Variants in CDIN1 observed in about 807,000 individuals in gnomAD.
The protein encoded by CDIN1 is CDAN1-interacting nuclease 1.
A neutral mutation model predicts 45.3 loss-of-function variants in CDIN1; 33 were observed. That is an observed-to-expected ratio of 0.73 (90% CI 0.55 to 0.97). The LOEUF (loss-of-function observed/expected upper bound fraction) is 0.97, where lower values mean the gene tolerates loss of function less well. Among genes scored for constraint, CDIN1 ranks in the 50% least tolerant of loss-of-function variants. The pLI is 0.00. For missense variants in CDIN1, 303 were observed against 339.4 expected, an observed-to-expected ratio of 0.89 and a Z score of 0.84; for synonymous variants, 118 against 124.4, an observed-to-expected ratio of 0.95 and a Z score of 0.34.
chr15:36,586,975 T>C (rs1432975757), intron 1 of CDIN1, among the ~76,000 whole-genome samples: 1 of 152,188 alleles, frequency 6.6e-6, no homozygotes, highest in East Asian at 1.9e-4. Context: ...ATATACCTTG[T>C]TGGGAATTAT....
At chr15:36,701,983 T>C (rs1238887569) in intron 8 of CDIN1, 1 of 699,258 alleles carries the variant, frequency 1.4e-6, no homozygotes, top group African/African-American at 1.7e-5. Context: ...GGGGAGGTGA[T>C]TATGATGTGA....
rs141228052 is a variant in CDIN1, at chr15:36,605,577, C to T, written c.101+25616C>T. Among the ~76,000 whole-genome samples the T allele has an allele frequency of 8.1e-4, 124 of 152,298 alleles. 2 individuals carry two copies. The highest frequency in any genetic ancestry group is 4.6e-3 in the Admixed American group (70 of 15,298). ...GTCAGAGTGTGACCACCATCCATCA[C>T]CTCAATAGCAGACATCAGATTTGTT... On this transcript the variant is annotated intron_variant, in intron 1 of 10. Coordinates refer to ENST00000566621, the MANE Select transcript of CDIN1 (RefSeq NM_001321759.2).
rs756929397 is a variant in CDIN1, at chr15:36,787,080, CG to C, written c.717-21243del. 1.9e-3 allele frequency among the ~76,000 whole-genome samples: 295 copies of C among 152,286 alleles called. 1 individual carries two copies. Among genetic ancestry groups the C allele is most frequent in the South Asian group, 4.8e-3 (23 of 4,820 alleles). On this transcript the variant is annotated intron_variant, in intron 10 of 10. Coordinates refer to ENST00000566621, the MANE Select transcript of CDIN1 (RefSeq NM_001321759.2). Reference sequence around the variant, plus strand: ...TACCTGTCTTCGCATCATTTCCAGACGTGTGTCATCAGATTCAATCTTTGTT... The same window carrying C: ...TACCTGTCTTCGCATCATTTCCAGACTGTGTCATCAGATTCAATCTTTGTT...
chr15:36,642,620 C>T (rs552211050), intron 1 of CDIN1, among the ~76,000 whole-genome samples: 1 of 152,186 alleles, frequency 6.6e-6, no homozygotes, highest in African/African-American at 2.4e-5. Flanking sequence ...AACTCCTGAC[C>T]AACTTCTCAT....
intron 10 of CDIN1, among the ~76,000 whole-genome samples, chr15:36,743,363 A>T (rs72708604): frequency 0.11 from 16,713 of 152,194 alleles, 948 homozygotes; most frequent in African/African-American, 0.13. Flanking sequence ...TAGCCTAAAC[A>T]TAACCTGCTA....
At chr15:36,620,784 T>G (rs1261458218) in intron 1 of CDIN1, among the ~76,000 whole-genome samples, 1 of 144,784 alleles carries the variant, frequency 6.9e-6, no homozygotes, top group Admixed American at 6.9e-5. Flanking sequence ...AATATTATTT[T>G]TTTTTTAAAG....
intron 1 of CDIN1, among the ~76,000 whole-genome samples, chr15:36,621,592 A>T (rs1432761265): frequency 6.6e-6 from 1 of 152,214 alleles, no homozygotes; most frequent in Non-Finnish European, 1.5e-5. Context: ...AAAATGTATT[A>T]ATCATTGACT....
chr15:36,726,052 A>T (rs966234782), intron 10 of CDIN1, among the ~76,000 whole-genome samples: 1 of 152,198 alleles, frequency 6.6e-6, no homozygotes, highest in Non-Finnish European at 1.5e-5. Context: ...TTGTTTCCAA[A>T]TGTGATAACT....
chr15:36,688,288 CTA>C (rs2140682250), intron 5 of CDIN1, among the ~76,000 whole-genome samples: 1 of 151,878 alleles, frequency 6.6e-6, no homozygotes, highest in South Asian at 2.1e-4. Flanking sequence ...TAATATGAGA[CTA>C]TCTAAAGCAA....
In CDIN1 at chr15:36,808,515, C is replaced by T. The variant is rs751324392; in HGVS notation, c.*62C>T. 1 of 1,589,686 alleles carries T rather than the reference C, an allele frequency of 6.3e-7. No homozygotes were observed. The highest frequency in any genetic ancestry group is 1.1e-5 in the South Asian group (1 of 88,022). On this transcript the variant is annotated 3_prime_UTR_variant, in exon 11 of 11. Coordinates refer to ENST00000566621, the MANE Select transcript of CDIN1 (RefSeq NM_001321759.2). ...GTGAATCCGGAAGCAATTTTACTTTCCTGCACTGTAAGATCCTGGCAACAT... is the reference window on the plus strand; with the variant it reads ...GTGAATCCGGAAGCAATTTTACTTTTCTGCACTGTAAGATCCTGGCAACAT...
intron 10 of CDIN1, among the ~76,000 whole-genome samples, chr15:36,743,024 G>A (rs984412640): frequency 7.2e-5 from 11 of 152,146 alleles, no homozygotes; most frequent in African/African-American, 1.9e-4. Context: ...AAATTACCTG[G>A]CATGAAAGTG....
chr15:36,725,731 G>A (rs2043599686), intron 10 of CDIN1, among the ~76,000 whole-genome samples: 3 of 152,034 alleles, frequency 2.0e-5, no homozygotes, highest in Non-Finnish European at 4.4e-5. Context: ...TGTGAAGTGG[G>A]GCTTTGACTG....
intron 1 of CDIN1, among the ~76,000 whole-genome samples, chr15:36,590,730 G>C (rs975553404): frequency 6.6e-6 from 1 of 152,146 alleles, no homozygotes. Flanking sequence ...CTGAACTTGT[G>C]TTTATTCTGT....
intron 5 of CDIN1, among the ~76,000 whole-genome samples, chr15:36,671,512 C>A (rs1286637849): frequency 6.6e-6 from 1 of 151,330 alleles, no homozygotes; most frequent in Non-Finnish European, 1.5e-5. Flanking sequence ...TGAACATATA[C>A]CACCCCCACC....
At chr15:36,765,222 A>AT (rs1220941452) in intron 10 of CDIN1, among the ~76,000 whole-genome samples, 5 of 151,520 alleles carry the variant, frequency 3.3e-5, no homozygotes, top group African/African-American at 1.2e-4. Flanking sequence ...TGCCTGGCTA[A>AT]TTTTTGTATT....
chr15:36,709,698 G>C, intron 9 of CDIN1, 158 bp from the exon 10 acceptor site: 3 of 565,690 alleles, frequency 5.3e-6, no homozygotes, highest in South Asian at 5.4e-5. Flanking sequence ...TCTTTGTAAT[G>C]AACATATACA....
intron 10 of CDIN1, among the ~76,000 whole-genome samples, chr15:36,766,887 T>A (rs2053938447): frequency 6.6e-6 from 1 of 152,210 alleles, no homozygotes. Flanking sequence ...TTTCATTCTG[T>A]TGATGGGTTT....
chr15:36,690,651 C>T (rs1171878603), intron 5 of CDIN1, among the ~76,000 whole-genome samples: 4 of 152,004 alleles, frequency 2.6e-5, no homozygotes, highest in Non-Finnish European at 4.4e-5. Flanking sequence ...AAGTTAGACC[C>T]GAAATTATCT....
At chr15:36,717,369 C>T (rs963347540) in intron 10 of CDIN1, among the ~76,000 whole-genome samples, 1 of 152,174 alleles carries the variant, frequency 6.6e-6, no homozygotes, top group Non-Finnish European at 1.5e-5. Flanking sequence ...GATCTGCTTT[C>T]TGTGACTGTT....
Sources: gnomAD v4.1 joint callset for allele counts (sites outside exome capture counted in the v4.1 genomes callset) on GRCh38, gnomAD v4.1.1 for gene constraint, MANE v1.5 for transcripts, NCBI Gene and HGNC (gene_info 2026-07-23, HGNC 2026-07-21) for gene names.